SPTLC1: variants seen among roughly 807,000 people sequenced by gnomAD.
SPTLC1 encodes the protein serine palmitoyltransferase 1.
A neutral mutation model predicts 68.9 loss-of-function variants in SPTLC1; 55 were observed. The ratio of observed to expected loss-of-function variants is 0.80; its 90% CI spans 0.64 to 1.00. The LOEUF is 1.00. Among genes scored for constraint, SPTLC1 ranks in the 50% least tolerant of loss-of-function variants. The probability of loss-of-function intolerance (pLI) is 0.00; values close to 1 mark genes in which losing one functional copy is unlikely to be tolerated. For missense variants in SPTLC1, 449 were observed against 573.1 expected (o/e 0.78, Z 2.21); for synonymous variants, 197 against 201.6 (o/e 0.98, Z 0.19).
rs773269599 is a variant in SPTLC1 at position 92,032,407 on chromosome 9, G to T, written c.*58C>A. On this transcript the variant is annotated 3_prime_UTR_variant, in exon 15 of 15. Transcript: ENST00000262554. ...TTTCAGGCCACTCCATGGCCAGCGG[G>T]AGTCTTGAGTCCTCTCTGCGTGTTG... 1 of 1,613,282 alleles carries T rather than the reference G, an allele frequency of 6.2e-7. No homozygotes were observed. Among genetic ancestry groups the T allele is most frequent in the Non-Finnish European group, 8.5e-7 (1 of 1,179,886 alleles).
chr9:92,087,858 A>G (rs1190223042), intron 3 of SPTLC1, among the ~76,000 whole-genome samples: 1 of 152,246 alleles, frequency 6.6e-6, no homozygotes, highest in Admixed American at 6.5e-5. Flanking sequence ...GGTGGAGCCT[A>G]CAGAGGCAGG....
chr9:92,087,680 C>CTCAGGGG (rs1426674867), intron 3 of SPTLC1, among the ~76,000 whole-genome samples: 4 of 152,206 alleles, frequency 2.6e-5, no homozygotes, highest in Admixed American at 1.3e-4. Flanking sequence ...AGTTAGGCTG[C>CTCAGGGG]TCAGGGGTCA....
At chr9:92,082,150 G>A (rs1285865212) in intron 3 of SPTLC1, among the ~76,000 whole-genome samples, 1 of 152,012 alleles carries the variant, frequency 6.6e-6, no homozygotes, top group Non-Finnish European at 1.5e-5. Context: ...CAGGGAAATT[G>A]CTATTATGAA....
chr9:92,115,236 G>C (rs1836407879), intron 1 of SPTLC1, 78 bp downstream of exon 1: 1 of 1,452,384 alleles, frequency 6.9e-7, no homozygotes, highest in Non-Finnish European at 9.7e-7. Context: ...CGAGGTCTCA[G>C]GCCACAAATC....
chr9:92,083,030 C>A (rs1434602393), intron 3 of SPTLC1, among the ~76,000 whole-genome samples: 6 of 152,062 alleles, frequency 3.9e-5, no homozygotes, highest in African/African-American at 1.2e-4. Flanking sequence ...TGGCTGCATA[C>A]ATGTCTTCTT....
intron 12 of SPTLC1, among the ~76,000 whole-genome samples, chr9:92,043,845 C>A (rs1833425756): frequency 6.6e-6 from 1 of 152,142 alleles, no homozygotes; most frequent in South Asian, 2.1e-4. Context: ...TGCTCAAAAC[C>A]ATGCCAGGGC....
At chr9:92,047,299 A>G in intron 10 of SPTLC1, 31 bp from the exon 11 acceptor site, 2 of 1,566,280 alleles carry the variant, frequency 1.3e-6, no homozygotes, top group South Asian at 1.1e-5. Flanking sequence ...ACATATACAC[A>G]TTCTCTGTCC....
At chr9:92,096,432 A>ATATT (rs1370561496) in intron 3 of SPTLC1, among the ~76,000 whole-genome samples, 2 of 152,206 alleles carry the variant, frequency 1.3e-5, no homozygotes, top group East Asian at 3.8e-4. Context: ...TTGAATATAT[A>ATATT]CAATTTTTAT....
In SPTLC1 at chr9:92,108,747, C is replaced by T. The variant is rs140486014; in HGVS notation, c.253G>A (p.Val85Ile). ...GTAGCAAAATCAATTTACCCTGAAA[C>T]GATGTTGTAGTTGAGAGCAGGATGG... The part of the protein sequence containing the change: ...KDHPALNYNI[V>I]SGPPSHKTVV... Residue 85 changes from valine (V) to isoleucine (I), a missense_variant, in exon 3 of 15, where the codon GTT becomes ATT. Physicochemically the swap from Val to Ile is conservative, Grantham distance 29. Around this residue, in one of 3 missense-constraint regions of SPTLC1, gnomAD observed 12 missense variants for 43.2 expected, o/e 0.28. Transcript: ENST00000262554. 3.7e-6 allele frequency: 6 copies of T among 1,605,038 alleles called. No individual in the cohort carries two copies. Among genetic ancestry groups the T allele is most frequent in the East Asian group, 2.2e-5 (1 of 44,802 alleles).
chr9:92,105,489 G>A, intron 3 of SPTLC1: 1 of 800,786 alleles, frequency 1.2e-6, no homozygotes, highest in Non-Finnish European at 1.9e-6. Context: ...TGGATCAGGA[G>A]GTCAAGAGAT....
At chr9:92,088,162 G>C (rs564719125) in intron 3 of SPTLC1, among the ~76,000 whole-genome samples, 37 of 152,322 alleles carry the variant, frequency 2.4e-4, no homozygotes, top group South Asian at 1.7e-3. Context: ...CCCTTTCTTT[G>C]ACTAGGAAAG....
rs759139179 is a variant in SPTLC1 at position 92,032,286 on chromosome 9, T to TA, written c.*178dup. Reference sequence around the variant, plus strand: ...TGGGCTTTTAGATGTGTTTTCTTTTTAAAAAAAATAAGCATCCTTCTCATG... The same window carrying TA: ...TGGGCTTTTAGATGTGTTTTCTTTTTAAAAAAAAATAAGCATCCTTCTCATG... On this transcript the variant is annotated 3_prime_UTR_variant, in exon 15 of 15. Transcript: ENST00000262554. 36 of 1,532,458 alleles carry TA rather than the reference T, an allele frequency of 2.3e-5. No homozygotes were observed. The highest frequency in any genetic ancestry group is 1.2e-4 in the Admixed American group (6 of 50,270). 94.9% of individuals were successfully genotyped at this position (1,532,458 alleles called of 1,614,324 possible).
intron 3 of SPTLC1, among the ~76,000 whole-genome samples, chr9:92,097,796 C>T (rs1835584787): frequency 6.6e-6 from 1 of 151,974 alleles, no homozygotes; most frequent in African/African-American, 2.4e-5. Context: ...TTATACACTT[C>T]AAAATGACAG....
At chr9:92,057,949 A>T (rs1401014584) in intron 7 of SPTLC1, among the ~76,000 whole-genome samples, 1 of 152,260 alleles carries the variant, frequency 6.6e-6, no homozygotes, top group African/African-American at 2.4e-5. Context: ...AAAAGAGCAC[A>T]TACAAAACTT....
chr9:92,034,018 C>T (rs1453181672), intron 14 of SPTLC1, among the ~76,000 whole-genome samples: 1 of 152,234 alleles, frequency 6.6e-6, no homozygotes, highest in Non-Finnish European at 1.5e-5. Context: ...CTGCGGCTTG[C>T]ACTCTGTACT....
chr9:92,085,342 A>G (rs1230153417), intron 3 of SPTLC1, among the ~76,000 whole-genome samples: 18 of 146,086 alleles, frequency 1.2e-4, no homozygotes, highest in African/African-American at 4.6e-4. Context: ...TTAGGGTGTC[A>G]ATTTTGGATC....
chr9:92,059,128 C>A, intron 7 of SPTLC1, 51 bp downstream of exon 7: 2 of 1,595,860 alleles, frequency 1.3e-6, no homozygotes, highest in Non-Finnish European at 1.7e-6. Flanking sequence ...TATAATTTAG[C>A]TGGTTAGAAA....
intron 8 of SPTLC1, chr9:92,051,370 C>A (rs901285326): frequency 9.8e-6 from 6 of 614,380 alleles, no homozygotes; most frequent in African/African-American, 2.0e-5. Flanking sequence ...GGGGGAAAAA[C>A]CCCACATGAT....
intron 14 of SPTLC1, among the ~76,000 whole-genome samples, chr9:92,034,599 G>A (rs1323977392): frequency 6.6e-6 from 1 of 152,210 alleles, no homozygotes; most frequent in African/African-American, 2.4e-5. Context: ...TGAGTTAACT[G>A]AGAGGGTACT....
Sources: allele counts gnomAD v4.1 joint callset (sites outside exome capture counted in the v4.1 genomes callset), GRCh38; gene constraint gnomAD v4.1.1; regional missense constraint gnomAD v4.1.1; transcripts MANE v1.5; gene names NCBI Gene and HGNC (gene_info 2026-07-23, HGNC 2026-07-21).